FBXO4: variants seen among roughly 807,000 people sequenced by gnomAD.
FBXO4 encodes F-box only protein 4.
Under a neutral mutation model 43.7 loss-of-function variants are expected in FBXO4, and 36 were observed. The observed-to-expected ratio is 0.82, with a 90% CI of 0.63 to 1.09. FBXO4 has a LOEUF of 1.09. FBXO4 is among the 50% of genes least tolerant of loss of function. The pLI, the probability that FBXO4 is intolerant of heterozygous loss-of-function variation, is 0.00. For missense variants in FBXO4, 435 were observed against 474.1 expected, an observed-to-expected ratio of 0.92 and a Z score of 0.77; for synonymous variants, 180 against 165.6, an observed-to-expected ratio of 1.09 and a Z score of -0.67.
At chr5:41,993,452 G>A in the FBXO4 span, among the ~76,000 whole-genome samples, 1 of 151,574 alleles carries the variant, frequency 6.6e-6, no homozygotes, top group Non-Finnish European at 1.5e-5. Context: ...AATTTTTTTT[G>A]TGGTAAGAAA....
the FBXO4 span, among the ~76,000 whole-genome samples, chr5:42,011,658 T>C: frequency 1.3e-5 from 2 of 152,216 alleles, no homozygotes; most frequent in Non-Finnish European, 2.9e-5. Flanking sequence ...TAAGAAACTA[T>C]ATTATTCATA....
At chr5:41,999,010 T>TCACATATGGTCCATATATGGAC in the FBXO4 span, among the ~76,000 whole-genome samples, 1 of 150,310 alleles carries the variant, frequency 6.7e-6, no homozygotes, top group African/African-American at 2.5e-5. Flanking sequence ...GTTCCTTGGT[T>TCACATATGGTCCATATATGGAC]CACATATGGT....
At chr5:42,012,575 G>T in the FBXO4 span, among the ~76,000 whole-genome samples, 1 of 152,278 alleles carries the variant, frequency 6.6e-6, no homozygotes, top group South Asian at 2.1e-4. Flanking sequence ...TTAGGACTGT[G>T]TTTGGCTTCT....
chr5:42,015,966 T>C, the FBXO4 span, among the ~76,000 whole-genome samples: 4 of 152,102 alleles, frequency 2.6e-5, no homozygotes, highest in Non-Finnish European at 5.9e-5. Flanking sequence ...GGGATGTGCT[T>C]AGGGAGTCAG....
Position 41,929,872 on chromosome 5 carries a change from G to A in FBXO4, c.601G>A (p.Glu201Lys), listed in dbSNP as rs775553055. 6.2e-7 allele frequency: 1 copy of A among 1,613,848 alleles called. No homozygotes were observed. The highest frequency in any genetic ancestry group is 8.5e-7 in the Non-Finnish European group (1 of 1,179,988). The change falls in exon 3 of 7, where the codon GAG becomes AAG. Residue 201 changes from glutamate to lysine, a missense_variant. Transcript: ENST00000281623. The stretch of plus-strand genomic sequence containing the variant: ...TTTGGTGTTGAGCTTGATGTCTTCA[G>A]AGGAACTTTGCCCAACAGCTGGTTT... The part of the protein sequence containing the change: ...TSLVLSLMSS[E>K]ELCPTAGLPQ...
At chr5:41,981,778 T>A in the FBXO4 span, among the ~76,000 whole-genome samples, 8 of 151,762 alleles carry the variant, frequency 5.3e-5, no homozygotes, top group Non-Finnish European at 1.0e-4. Flanking sequence ...CTTCAAGTTC[T>A]AGGGTACATG....
At chr5:41,968,224 G>A in the FBXO4 span, 2 of 206,042 alleles carry the variant, frequency 9.7e-6, no homozygotes, top group South Asian at 1.8e-4. Flanking sequence ...AGAGCAGTGA[G>A]AGTTATCGGA....
the FBXO4 span, chr5:41,967,580 T>G: frequency 9.0e-7 from 1 of 1,107,804 alleles, no homozygotes; most frequent in East Asian, 2.8e-5. Flanking sequence ...CATTACAACA[T>G]TTTTTGACCT....
At chr5:42,014,745 C>A in the FBXO4 span, among the ~76,000 whole-genome samples, 1 of 152,082 alleles carries the variant, frequency 6.6e-6, no homozygotes, top group Non-Finnish European at 1.5e-5. Flanking sequence ...CTAGCCTGCC[C>A]TTTTTGAGAT....
intron 5 of FBXO4, among the ~76,000 whole-genome samples, chr5:41,936,238 A>G (rs1751845010): frequency 6.6e-6 from 1 of 152,224 alleles, no homozygotes; most frequent in African/African-American, 2.4e-5. Context: ...GTATTCTCAG[A>G]AAGGGACATT....
At chr5:42,039,721 AC>A in the FBXO4 span, among the ~76,000 whole-genome samples, 4 of 152,094 alleles carry the variant, frequency 2.6e-5, no homozygotes, top group Non-Finnish European at 5.9e-5. Context: ...TGATAATGTT[AC>A]CTTATACGGC....
chr5:41,965,001 G>T, the FBXO4 span, among the ~76,000 whole-genome samples: 1 of 152,114 alleles, frequency 6.6e-6, no homozygotes, highest in Non-Finnish European at 1.5e-5. Context: ...TTCTTCTAGG[G>T]TTTTTATGGT....
rs1450910297 is a variant in FBXO4 at position 41,941,644 on chromosome 5, G to A, written c.*363G>A. 5.9e-6 allele frequency: 1 copy of A among 168,604 alleles called. No individual in the cohort carries two copies. Among genetic ancestry groups the A allele is most frequent in the African/African-American group, 2.4e-5 (1 of 41,678 alleles). 10.4% of individuals were successfully genotyped at this position (168,604 alleles called of 1,614,324 possible). A position where few individuals can be genotyped will look rare whatever the true frequency, so the allele number is the denominator to read the frequency against. On this transcript the variant is annotated 3_prime_UTR_variant, in exon 7 of 7. Coordinates refer to ENST00000281623, the MANE Select transcript of FBXO4 (RefSeq NM_012176.3). ...TGCCTTAGTGAGAAATAGCAAATTT[G>A]CTAAACTTTCTATTCAGTCTTTTCA...
At chr5:41,979,772 T>A in the FBXO4 span, among the ~76,000 whole-genome samples, 4 of 152,202 alleles carry the variant, frequency 2.6e-5, no homozygotes, top group South Asian at 6.2e-4. Context: ...AGGCTTTCTA[T>A]TATCCAAGAA....
Position 41,927,083 on chromosome 5 carries a change from A to G in FBXO4, c.260A>G (p.His87Arg), listed in dbSNP as rs372766725. 9 of 1,613,782 alleles carry G rather than the reference A, an allele frequency of 5.6e-6. No individual in the cohort carries two copies. The highest frequency in any genetic ancestry group is 1.1e-5 in the South Asian group (1 of 91,064). ...HDLCQLGSTN[H>R]YWNETVRDPI... ...CTGTGTCAGTTGGGAAGTACAAATC[A>G]TTATTGGAATGAAACTGTAAGAGAT... Residue 87 changes from histidine to arginine, a missense_variant, in exon 2 of 7, where the codon CAT becomes CGT. Coordinates refer to ENST00000281623, the MANE Select transcript of FBXO4 (RefSeq NM_012176.3).
chr5:41,950,037 T>C, the FBXO4 span, among the ~76,000 whole-genome samples: 1 of 152,218 alleles, frequency 6.6e-6, no homozygotes, highest in Non-Finnish European at 1.5e-5. Flanking sequence ...ACTGGATCCC[T>C]TCCTTACACC....
the FBXO4 span, among the ~76,000 whole-genome samples, chr5:42,014,623 A>C: frequency 6.6e-6 from 1 of 152,294 alleles, no homozygotes; most frequent in South Asian, 2.1e-4. Context: ...TAGGTTTTTT[A>C]ACACAGAAAA....
the FBXO4 span, among the ~76,000 whole-genome samples, chr5:42,017,272 T>G: frequency 6.6e-6 from 1 of 152,110 alleles, no homozygotes; most frequent in East Asian, 1.9e-4. Flanking sequence ...TGGCAAATTC[T>G]AAGAAAAAAG....
chr5:41,932,099 G>T (rs1751703060), intron 3 of FBXO4, among the ~76,000 whole-genome samples: 1 of 152,214 alleles, frequency 6.6e-6, no homozygotes, highest in Non-Finnish European at 1.5e-5. Context: ...AGAAGAGGTT[G>T]AGGAAATGGG....
Sources: gnomAD v4.1 joint callset for allele counts (sites outside exome capture counted in the v4.1 genomes callset) on GRCh38, gnomAD v4.1.1 for gene constraint, MANE v1.5 for transcripts, NCBI Gene and HGNC (gene_info 2026-07-23, HGNC 2026-07-21) for gene names.